LYPLA1: variants seen among roughly 807,000 people sequenced by gnomAD.
The protein encoded by LYPLA1 is acyl-protein thioesterase 1.
Under a neutral mutation model 34.0 loss-of-function variants are expected in LYPLA1, and 17 were observed. The observed-to-expected ratio is 0.50, with a 90% CI of 0.34 to 0.75. The LOEUF (loss-of-function observed/expected upper bound fraction) is 0.75, where lower values mean the gene tolerates loss of function less well. LYPLA1 is among the 30% of genes least tolerant of loss of function. The pLI is 0.01. For synonymous variants in LYPLA1, 98 were observed against 100.8 expected (o/e 0.97, Z 0.17); for missense variants, 203 against 288.8 (o/e 0.70, Z 2.15).
intron 3 of LYPLA1, among the ~76,000 whole-genome samples, chr8:54,065,487 TA>T (rs1201127837): frequency 6.9e-6 from 1 of 145,268 alleles, no homozygotes; most frequent in Non-Finnish European, 1.5e-5. Flanking sequence ...AATAAATAAA[TA>T]AAATAATTTT....
At chr8:54,066,186 C>G (rs1933028162) in intron 2 of LYPLA1, among the ~76,000 whole-genome samples, 1 of 152,072 alleles carries the variant, frequency 6.6e-6, no homozygotes, top group Admixed American at 6.5e-5. Flanking sequence ...ATCCGCTCGC[C>G]TCGGCCTCCC....
intron 6 of LYPLA1, chr8:54,052,976 T>C (rs1046805598): frequency 4.3e-6 from 2 of 469,534 alleles, no homozygotes; most frequent in East Asian, 2.9e-5. Context: ...CGACGAGACA[T>C]AGTTTGTACC....
At position 54,097,143 on chromosome 8, in the gene LYPLA1, G is replaced by C. The variant is rs555062130; in HGVS notation, c.101+3765C>G. 5.9e-5 allele frequency among the ~76,000 whole-genome samples: 9 copies of C among 152,310 alleles called. 1 individual carries two copies. The South Asian group carries it at 1.7e-3, about 28-fold the overall frequency. On this transcript the variant is annotated intron_variant, in intron 2 of 8. Coordinates refer to ENST00000316963, the MANE Select transcript of LYPLA1 (RefSeq NM_006330.4). Reference sequence around the variant, plus strand: ...GTCACAAAGTATCCCCCCGCAACTTGCTTTTTAATTACAAAAGGAAAGTAA... The same window carrying C: ...GTCACAAAGTATCCCCCCGCAACTTCCTTTTTAATTACAAAAGGAAAGTAA...
At chr8:54,092,151 AGGC>A (rs1408424689) in intron 2 of LYPLA1, among the ~76,000 whole-genome samples, 2 of 149,962 alleles carry the variant, frequency 1.3e-5, no homozygotes, top group African/African-American at 4.9e-5. Context: ...GAAGAGGCAG[AGGC>A]GGCGGCGGAG....
At chr8:54,091,649 G>A (rs765907174) in intron 2 of LYPLA1, among the ~76,000 whole-genome samples, 14 of 151,956 alleles carry the variant, frequency 9.2e-5, no homozygotes, top group Non-Finnish European at 1.6e-4. Context: ...ACCCTTATAT[G>A]AGAAAAAGAA....
chr8:54,045,303 G>A (rs1392959381), downstream of LYPLA1, among the ~76,000 whole-genome samples: 1 of 152,166 alleles, frequency 6.6e-6, no homozygotes, highest in Non-Finnish European at 1.5e-5. Context: ...TCAAAATGCA[G>A]CAGTAAGAGT....
chr8:54,094,085 T>A (rs542405529), intron 2 of LYPLA1, among the ~76,000 whole-genome samples: 7 of 152,368 alleles, frequency 4.6e-5, no homozygotes, highest in Non-Finnish European at 5.9e-5. Context: ...CCTCACCTTG[T>A]TTGACCTCTC....
chr8:54,058,761 T>C (rs78067129), intron 5 of LYPLA1, among the ~76,000 whole-genome samples: 1 of 151,698 alleles, frequency 6.6e-6, no homozygotes, highest in African/African-American at 2.4e-5. Context: ...TTTTTTTTTT[T>C]GTAGCGACTC....
chr8:54,060,876 G>A (rs894638022), intron 5 of LYPLA1, among the ~76,000 whole-genome samples: 1 of 150,944 alleles, frequency 6.6e-6, no homozygotes, highest in Non-Finnish European at 1.5e-5. Flanking sequence ...TGTATTTTTA[G>A]TAGAGACGGG....
At chr8:54,082,059 T>C (rs1808364449) in intron 2 of LYPLA1, among the ~76,000 whole-genome samples, 1 of 152,116 alleles carries the variant, frequency 6.6e-6, no homozygotes, top group South Asian at 2.1e-4. Flanking sequence ...ACATTCTACA[T>C]GCATGAAAGA....
chr8:54,077,508 A>C (rs1050116958), intron 2 of LYPLA1, among the ~76,000 whole-genome samples: 2 of 152,180 alleles, frequency 1.3e-5, no homozygotes, highest in Non-Finnish European at 2.9e-5. Flanking sequence ...AAAAAATAAA[A>C]AAGTAGTCTG....
In LYPLA1 at chr8:54,078,590, A is replaced by G. The variant is rs139532166; in HGVS notation, c.102-12777T>C. The stretch of plus-strand genomic sequence containing the variant: ...AGTCAAGGCGCATCTATATTCAGCT[A>G]AAGGTCACCAGATTTGGCTGAGTGT... On this transcript the variant is annotated intron_variant, in intron 2 of 8. Transcript: ENST00000316963. Among the ~76,000 whole-genome samples, 564 of 152,316 alleles carry G rather than the reference A, an allele frequency of 3.7e-3. 3 individuals are homozygous for G. Among genetic ancestry groups the G allele is most frequent in the African/African-American group, 0.013 (546 of 41,584 alleles).
intron 1 of LYPLA1, 69 bp downstream of exon 1, chr8:54,101,686 C>T (rs999716863): frequency 2.2e-5 from 27 of 1,214,090 alleles, no homozygotes; most frequent in Middle Eastern, 3.2e-4. Context: ...CAACGCCCAC[C>T]CCGCGCGAGG....
chr8:54,081,164 T>C (rs929281125), intron 2 of LYPLA1, among the ~76,000 whole-genome samples: 33 of 152,336 alleles, frequency 2.2e-4, no homozygotes, highest in African/African-American at 7.9e-4. Flanking sequence ...TGCCTCTCAA[T>C]TATTCACCCC....
rs1447332402 is a variant in LYPLA1 at position 54,067,510 on chromosome 8, C to T, written c.102-1697G>A. The stretch of plus-strand genomic sequence containing the variant: ...TCTGATGCATTTCCTTCTGATTTTT[C>T]CCATGCATGTCAATTAAGGAATAGA... On this transcript the variant is annotated intron_variant, in intron 2 of 8. Transcript: ENST00000316963. 2.6e-5 allele frequency among the ~76,000 whole-genome samples: 4 copies of T among 152,082 alleles called. No individual in the cohort carries two copies. The East Asian group carries it at 7.7e-4, about 29-fold the overall frequency.
chr8:54,062,672 C>T (rs938729765), intron 4 of LYPLA1, among the ~76,000 whole-genome samples: 5 of 152,030 alleles, frequency 3.3e-5, no homozygotes, highest in East Asian at 1.9e-4. Flanking sequence ...CCACCACACC[C>T]GGCTAATTTT....
chr8:54,099,241 AATAGAG>A lies in LYPLA1; in HGVS notation c.101+1661_101+1666del, dbSNP rs1255781029. The stretch of plus-strand genomic sequence containing the variant: ...AACATCAAGAAAGGTTTGGCCATAA[AATAGAG>A]ATTCTGCTATTCGAGTTTCATTTGG... On this transcript the variant is annotated intron_variant, in intron 2 of 8. Transcript: ENST00000316963. Among the ~76,000 whole-genome samples, 5 of 152,300 alleles carry A rather than the reference AATAGAG, an allele frequency of 3.3e-5. No individual in the cohort carries two copies. The East Asian group carries it at 7.7e-4, about 24-fold the overall frequency.
chr8:54,075,879 G>A lies in LYPLA1; in HGVS notation c.102-10066C>T, dbSNP rs1214588527. ...ATTTGTTTAGGAAGATTGCACTGCA[G>A]AACAGGCAGAGGTGCGGCACAATGA... On this transcript the variant is annotated intron_variant, in intron 2 of 8. Coordinates refer to ENST00000316963, the MANE Select transcript of LYPLA1 (RefSeq NM_006330.4). Among the ~76,000 whole-genome samples, 7 of 152,184 alleles carry A rather than the reference G, an allele frequency of 4.6e-5. No homozygotes were observed. In the East Asian group the frequency reaches 1.2e-3, roughly 25 times the overall value.
chr8:54,101,274 G>T (rs1280057372), intron 1 of LYPLA1: 1 of 958,906 alleles, frequency 1.0e-6, no homozygotes, highest in Non-Finnish European at 1.3e-6. Context: ...TTTTTCCACT[G>T]CAAAAGCAAG....
Sources: gnomAD v4.1 joint callset for allele counts (sites outside exome capture counted in the v4.1 genomes callset) on GRCh38, gnomAD v4.1.1 for gene constraint, MANE v1.5 for transcripts, NCBI Gene and HGNC (gene_info 2026-07-23, HGNC 2026-07-21) for gene names.